Variants in CHDH observed in about 807,000 individuals in gnomAD.
The protein encoded by CHDH is choline dehydrogenase, also known as choline dehydrogenase, mitochondrial.
A neutral mutation model predicts 56.9 loss-of-function variants in CHDH; 43 were observed. That is an observed-to-expected ratio of 0.76 (90% CI 0.59 to 0.97). CHDH has a LOEUF of 0.97. Among genes scored for constraint, CHDH ranks in the 50% least tolerant of loss-of-function variants. The pLI is 0.00. For missense variants in CHDH, 816 were observed against 821.1 expected (o/e 0.99, Z 0.08); for synonymous variants, 364 against 348.5 (o/e 1.04, Z -0.50).
intron 2 of CHDH, among the ~76,000 whole-genome samples, chr3:53,835,784 T>C (rs899171627): frequency 2.0e-5 from 3 of 152,130 alleles, no homozygotes; most frequent in African/African-American, 7.2e-5. Flanking sequence ...GGTTATCACA[T>C]TTAAGTCACC....
In CHDH at chr3:53,816,795, C is replaced by T. The variant is rs1207762767; in HGVS notation, c.*982G>A. On this transcript the variant is annotated 3_prime_UTR_variant, in exon 9 of 9. Transcript: ENST00000315251. The stretch of plus-strand genomic sequence containing the variant: ...TTGGTAGTGAAGCCAAGCGGCATTC[C>T]CTCCAGACTCCTCTCCCCTTGAATA... 1 of 151,712 alleles carries T rather than the reference C, an allele frequency of 6.6e-6. No homozygotes were observed. The highest frequency in any genetic ancestry group is 2.4e-5 in the African/African-American group (1 of 41,182). 9.4% of individuals were successfully genotyped at this position (151,712 alleles called of 1,614,324 possible).
At chr3:53,844,416 C>T (rs542105814) in intron 1 of CHDH, among the ~76,000 whole-genome samples, 29 of 152,272 alleles carry the variant, frequency 1.9e-4, no homozygotes, top group Non-Finnish European at 1.2e-4. Flanking sequence ...TCTCTCTGCC[C>T]CATCTGACCC....
In CHDH at chr3:53,818,085, G is replaced by A; in HGVS notation, c.1477C>T (p.Gln493Ter). The part of the protein sequence containing the change: ...GKELQPGSHI[Q>*]SDKEIDAFVR... ...AAGGCATCTATCTCTTTATCTGACT[G>A]AATGTGGCTTCCTGGCTGGAGCTCT... Residue 493 changes from glutamine (Q) to a stop codon, truncating the protein, a stop_gained, in exon 9 of 9, where the codon CAG becomes TAG. Transcript: ENST00000315251. LOFTEE classifies it high-confidence loss of function. The A allele has an allele frequency of 6.2e-7, 1 of 1,614,230 alleles. No individual in the cohort carries two copies. The highest frequency in any genetic ancestry group is 8.5e-7 in the Non-Finnish European group (1 of 1,180,038).
intron 2 of CHDH, among the ~76,000 whole-genome samples, chr3:53,836,091 T>C (rs1576801354): frequency 1.3e-5 from 2 of 152,208 alleles, no homozygotes; most frequent in East Asian, 3.8e-4. Context: ...ACCGTCTGAA[T>C]ACCCAGCCCT....
intron 8 of CHDH, 28 bp downstream of exon 8, chr3:53,818,910 C>A: frequency 7.1e-7 from 1 of 1,411,018 alleles, no homozygotes; most frequent in Non-Finnish European, 1.0e-6. Context: ...TTTGTTCAAG[C>A]CCAGGAAGAC....
intron 3 of CHDH, 59 bp from the exon 4 acceptor site, chr3:53,822,701 G>C (rs2095629849): frequency 2.5e-6 from 4 of 1,570,352 alleles, no homozygotes; most frequent in Non-Finnish European, 3.5e-6. Flanking sequence ...ACCTGGGCAG[G>C]AGGAAGGAGC....
At chr3:53,845,346 A>C (rs1576814792) in intron 1 of CHDH, among the ~76,000 whole-genome samples, 2 of 152,342 alleles carry the variant, frequency 1.3e-5, no homozygotes, top group East Asian at 3.9e-4. Context: ...TGCTTGACTT[A>C]GTACAGCCTC....
chr3:53,827,132 G>A (rs1390349419), intron 2 of CHDH, among the ~76,000 whole-genome samples: 1 of 152,114 alleles, frequency 6.6e-6, no homozygotes, highest in Non-Finnish European at 1.5e-5. Context: ...TTGGATTTGT[G>A]CCTCCACCCA....
In CHDH at chr3:53,819,014, C is replaced by T. The variant is rs35375185; in HGVS notation, c.1290G>A (p.Thr430=). Residue 430 remains threonine (T), a synonymous_variant, in exon 8 of 9, where the codon ACG becomes ACA. Transcript: ENST00000315251. This position sits in a 1 kb window ranked among gnomAD's most constrained non-coding sequence, Gnocchi z 5.4. ...TTCTCAGTTTGAGCCAGCCCACACTCGTGCCCCGCATGGGCCCCACATGTA... is the reference window on the plus strand; with the variant it reads ...TTCTCAGTTTGAGCCAGCCCACACTTGTGCCCCGCATGGGCCCCACATGTA... ...YQVHVGPMRG[T]SVGWLKLRSA... is the part of the protein sequence containing the mutation. The T allele has an allele frequency of 6.7e-5, 108 of 1,613,472 alleles. No individual in the cohort carries two copies. Among genetic ancestry groups the T allele is most frequent in the Admixed American group, 1.8e-4 (11 of 59,984 alleles).
At chr3:53,823,228 C>A in intron 3 of CHDH, 78 bp downstream of exon 3, 1 of 1,335,862 alleles carries the variant, frequency 7.5e-7, no homozygotes, top group East Asian at 2.6e-5. Context: ...GAGCCAGGAG[C>A]CTGGAGCCAC....
At position 53,819,174 on chromosome 3, in the gene CHDH, C is replaced by T; in HGVS notation, c.1264-134G>A. On this transcript the variant is annotated intron_variant, in intron 7 of 8. Transcript: ENST00000315251. This position sits in a 1 kb window ranked among gnomAD's most constrained non-coding sequence, Gnocchi z 5.4. ...GGAACAGATGCATGTTAGCATTTGC[C>T]CGCATGGTACCCACCTCCACGAGTG... 4.6e-6 allele frequency: 3 copies of T among 648,578 alleles called. No individual in the cohort carries two copies. The highest frequency in any genetic ancestry group is 5.4e-6 in the Non-Finnish European group (2 of 372,124). 40.2% of individuals were successfully genotyped at this position (648,578 alleles called of 1,614,324 possible). A position where few individuals can be genotyped will look rare whatever the true frequency, so the allele number is the denominator to read the frequency against.
Position 53,817,644 on chromosome 3 carries a change from C to T in CHDH, c.*133G>A. Reference sequence around the variant, plus strand: ...ATTTCCCAAGACTTTATCCAATTCTCAGCCACTGAGTAGGGTACCACCTGG... The same window carrying T: ...ATTTCCCAAGACTTTATCCAATTCTTAGCCACTGAGTAGGGTACCACCTGG... On this transcript the variant is annotated 3_prime_UTR_variant, in exon 9 of 9. Coordinates refer to ENST00000315251, the MANE Select transcript of CHDH (RefSeq NM_018397.5). The T allele has an allele frequency of 1.4e-6, 1 of 693,842 alleles. No individual in the cohort carries two copies. The allele number at this position is 693,842 out of a possible 1,614,324, so 43.0% of individuals were successfully genotyped here.
intron 1 of CHDH, among the ~76,000 whole-genome samples, chr3:53,842,974 G>A (rs576389480): frequency 6.6e-6 from 1 of 152,286 alleles, no homozygotes; most frequent in African/African-American, 2.4e-5. Context: ...TGAATCCACT[G>A]TTGACCAGCC....
chr3:53,817,930 A>G lies in CHDH; in HGVS notation c.1632T>C (p.Asp544=). The G allele has an allele frequency of 6.2e-7, 1 of 1,614,230 alleles. No homozygotes were observed. The highest frequency in any genetic ancestry group is 8.5e-7 in the Non-Finnish European group (1 of 1,180,044). Residue 544 remains aspartate (D), a synonymous_variant, in exon 9 of 9, where the codon GAT becomes GAC. Transcript: ENST00000315251. ...VLGVENLRVV[D]ASIMPSMVSG... ...TGACCATGCTAGGCATGATGGAGGC[A>G]TCGACGACCCTGAGGTTTTCCACCC...
At chr3:53,823,200 T>C in intron 3 of CHDH, 106 bp downstream of exon 3, 1 of 1,065,138 alleles carries the variant, frequency 9.4e-7, no homozygotes, top group Middle Eastern at 2.5e-4. Context: ...AGTCTGCCCA[T>C]GCCTCCTGAC....
chr3:53,842,425 G>A (rs2106988714), intron 1 of CHDH, among the ~76,000 whole-genome samples: 1 of 152,322 alleles, frequency 6.6e-6, no homozygotes, highest in South Asian at 2.1e-4. Flanking sequence ...AGCCCTATGA[G>A]GCTAACTTCA....
At chr3:53,826,641 C>T (rs200704787) in intron 2 of CHDH, among the ~76,000 whole-genome samples, 8,109 of 145,332 alleles carry the variant, frequency 0.056, 374 homozygotes, top group East Asian at 0.23. Context: ...AACCCTACAA[C>T]TAACATCATA....
At chr3:53,845,252 G>A (rs1698824951) in intron 1 of CHDH, among the ~76,000 whole-genome samples, 1 of 152,136 alleles carries the variant, frequency 6.6e-6, no homozygotes, top group African/African-American at 2.4e-5. Flanking sequence ...CAAACCCCTG[G>A]CTGATCCCCA....
intron 2 of CHDH, among the ~76,000 whole-genome samples, chr3:53,840,414 G>C (rs1005729258): frequency 9.9e-5 from 15 of 151,906 alleles, no homozygotes; most frequent in South Asian, 6.3e-4. Flanking sequence ...TGTAGTCCCA[G>C]CTCCTTAGAA....
Sources: gnomAD v4.1 joint callset for allele counts (sites outside exome capture counted in the v4.1 genomes callset) on GRCh38, gnomAD v4.1.1 for gene constraint, Gnocchi (gnomAD v3.1) non-coding constraint, MANE v1.5 for transcripts, NCBI Gene and HGNC (gene_info 2026-07-23, HGNC 2026-07-21) for gene names.